The following CEACAM5 variants were observed in gnomAD, a reference collection of about 807,000 sequenced individuals.
The protein encoded by CEACAM5 is cell adhesion molecule CEACAM5.
CEACAM5 carries 52 observed loss-of-function variants against 63.0 expected under a neutral mutation model. The ratio of observed to expected loss-of-function variants is 0.83; its 90% CI spans 0.66 to 1.04. The LOEUF (loss-of-function observed/expected upper bound fraction) is 1.04. CEACAM5 is among the 50% of genes least tolerant of loss of function. CEACAM5 has a pLI of 0.00. For synonymous variants in CEACAM5, 357 were observed against 351.3 expected, an observed-to-expected ratio of 1.02 and a Z score of -0.18; for missense variants, 790 against 864.8, an observed-to-expected ratio of 0.91 and a Z score of 1.08.
chr19:41,711,343 CTT>C (rs1480695088), intron 2 of CEACAM5, among the ~76,000 whole-genome samples: 2 of 152,272 alleles, frequency 1.3e-5, no homozygotes, highest in East Asian at 1.9e-4. Context: ...AAGGACTTCG[CTT>C]TCTCTCCCCA....
intron 8 of CEACAM5, among the ~76,000 whole-genome samples, chr19:41,723,398 T>A (rs973660988): frequency 9.2e-5 from 14 of 152,188 alleles, no homozygotes; most frequent in Admixed American, 9.2e-4. Context: ...TTGACTTGCA[T>A]ATCTCTAAGT....
chr19:41,711,892 G>T (rs1600455154), intron 2 of CEACAM5, among the ~76,000 whole-genome samples: 1 of 151,700 alleles, frequency 6.6e-6, no homozygotes, highest in African/African-American at 2.4e-5. Flanking sequence ...CCAGGCAATA[G>T]GGAAGGCACA....
intron 6 of CEACAM5, 96 bp from the exon 7 acceptor site, chr19:41,719,834 G>A: frequency 6.4e-7 from 1 of 1,573,676 alleles, no homozygotes; most frequent in Non-Finnish European, 8.6e-7. Context: ...GGACTCGGGT[G>A]GGCTGAAGGG....
chr19:41,725,617 C>T (rs1228397344), intron 8 of CEACAM5, among the ~76,000 whole-genome samples: 1 of 152,140 alleles, frequency 6.6e-6, no homozygotes, highest in Admixed American at 6.5e-5. Flanking sequence ...AAGTAATCCT[C>T]TTGCTTGAGT....
At chr19:41,720,659 G>T (rs10417322) in intron 7 of CEACAM5, among the ~76,000 whole-genome samples, 1 of 151,724 alleles carries the variant, frequency 6.6e-6, no homozygotes, top group Non-Finnish European at 1.5e-5. Flanking sequence ...CACACGTGCC[G>T]CCATGCCCAG....
rs74626868 is a variant in CEACAM5, at chr19:41,709,922, C to T, written c.307C>T (p.Pro103Ser). The change falls in exon 2 of 10, where the codon CCC becomes TCC. Residue 103 changes from proline (P) to serine (S), a missense_variant. Transcript: ENST00000221992. ...PAYSGREIIY[P>S]NASLLIQNII... ...ATACAGTGGTCGAGAGATAATATAC[C>T]CCAATGCATCCCTGCTGATCCAGAA... 1,445 of 1,614,004 alleles carry T rather than the reference C, an allele frequency of 9.0e-4. 7 individuals are homozygous for T. In the African/African-American group the frequency reaches 0.016, roughly 18 times the overall value.
chr19:41,710,048 T>G lies in CEACAM5; in HGVS notation c.424+9T>G, dbSNP rs782547323. 4 of 1,589,624 alleles carry G rather than the reference T, an allele frequency of 2.5e-6. No individual in the cohort carries two copies. The highest frequency in any genetic ancestry group is 3.4e-6 in the Non-Finnish European group (4 of 1,167,766). Reference sequence around the variant, plus strand: ...CCAGTTCCGGGTATACCGTGAGTGATTCCCCCATGACCTCTGGGTGTTGGG... The same window carrying G: ...CCAGTTCCGGGTATACCGTGAGTGAGTCCCCCATGACCTCTGGGTGTTGGG... On this transcript the variant is annotated intron_variant, in intron 2 of 9. Transcript: ENST00000221992.
rs370822239 is a variant in CEACAM5, at chr19:41,709,926, A to G, written c.311A>G (p.Asn104Ser). ...AGTGGTCGAGAGATAATATACCCCA[A>G]TGCATCCCTGCTGATCCAGAACATC... is the stretch of plus-strand genomic sequence containing the variant. ...AYSGREIIYP[N>S]ASLLIQNIIQ... The change falls in exon 2 of 10, where the codon AAT becomes AGT. Residue 104 changes from asparagine to serine, a missense_variant. By Grantham distance (46) the Asn-to-Ser change is conservative (BLOSUM62 1). Transcript: ENST00000221992. 32 of 1,613,828 alleles carry G rather than the reference A, an allele frequency of 2.0e-5. No individual in the cohort carries two copies. The highest frequency in any genetic ancestry group is 6.7e-5 in the African/African-American group (5 of 74,822).
At chr19:41,727,071 C>T in intron 8 of CEACAM5, among the ~76,000 whole-genome samples, 163 bp from the exon 9 acceptor site, 1 of 152,320 alleles carries the variant, frequency 6.6e-6, no homozygotes, top group East Asian at 1.9e-4. Context: ...CAACTAGCAA[C>T]ACAGTGAGAG....
In CEACAM5 at chr19:41,718,082, T is replaced by C. The variant is rs373602224; in HGVS notation, c.1238-46T>C. On this transcript the variant is annotated intron_variant, in intron 5 of 9. Transcript: ENST00000221992. The stretch of plus-strand genomic sequence containing the variant: ...CCTTTCACAGACCAGGAGCTTCCCC[T>C]TTGCTCTGATGACATTCACCTGTGG... 6 of 1,605,916 alleles carry C rather than the reference T, an allele frequency of 3.7e-6. No individual in the cohort carries two copies. In the African/African-American group the frequency reaches 5.3e-5, roughly 14 times the overall value.
At chr19:41,710,770 C>T (rs1555813927) in intron 2 of CEACAM5, among the ~76,000 whole-genome samples, 1 of 152,138 alleles carries the variant, frequency 6.6e-6, no homozygotes, top group East Asian at 1.9e-4. Context: ...TCCTTGTCCA[C>T]CAGGGATCAG....
chr19:41,712,860 A>G (rs2072457566), intron 2 of CEACAM5, among the ~76,000 whole-genome samples: 1 of 152,250 alleles, frequency 6.6e-6, no homozygotes, highest in African/African-American at 2.4e-5. Flanking sequence ...TTTTTTAACT[A>G]TAGTCAGAAA....
At chr19:41,708,831 G>C (rs782037600) in intron 1 of CEACAM5, 36 bp downstream of exon 1, 1 of 1,003,046 alleles carries the variant, frequency 1.0e-6, no homozygotes, top group Non-Finnish European at 1.4e-6. Flanking sequence ...GGTGGGAGGA[G>C]GGAGCTGGGG....
intron 7 of CEACAM5, among the ~76,000 whole-genome samples, chr19:41,720,457 G>A (rs558134396): frequency 1.3e-3 from 190 of 151,188 alleles, no homozygotes; most frequent in African/African-American, 4.4e-3. Flanking sequence ...ACAGATGAAC[G>A]TCTCAGACCC....
At chr19:41,723,735 C>T (rs1555816647) in intron 8 of CEACAM5, among the ~76,000 whole-genome samples, 1 of 151,840 alleles carries the variant, frequency 6.6e-6, no homozygotes, top group African/African-American at 2.4e-5. Context: ...ATTACAAGGT[C>T]AGGAGATCAA....
In CEACAM5 at chr19:41,726,087, TA is replaced by T. The variant is rs546520657; in HGVS notation, c.2027-1144del. Among the ~76,000 whole-genome samples the T allele has an allele frequency of 1.5e-4, 23 of 152,366 alleles. No homozygotes were observed. The East Asian group carries it at 4.2e-3, about 28-fold the overall frequency. On this transcript the variant is annotated intron_variant, in intron 8 of 9. Transcript: ENST00000221992. ...GAATGACTGTTTAACAGTATTGTTT[TA>T]AAGATTTAATGTAATATTCGATTAA...
intron 2 of CEACAM5, among the ~76,000 whole-genome samples, 185 bp from the exon 3 acceptor site, chr19:41,714,786 C>G (rs1278681900): frequency 6.6e-6 from 1 of 152,232 alleles, no homozygotes; most frequent in Non-Finnish European, 1.5e-5. Context: ...CCACACCGAG[C>G]AGGCAGCCTC....
Position 41,715,552 on chromosome 19 carries a change from G to T in CEACAM5, c.704-98G>T, listed in dbSNP as rs1230665598. The stretch of plus-strand genomic sequence containing the variant: ...GGGGTTTGGCTGAGACTTTAGGATT[G>T]TGATTCAGCTTAGAGGGACACTGTG... On this transcript the variant is annotated intron_variant, in intron 3 of 9. Transcript: ENST00000221992. 6.8e-6 allele frequency: 10 copies of T among 1,475,964 alleles called. No homozygotes were observed. In the African/African-American group the frequency reaches 1.4e-4, roughly 21 times the overall value. The allele number at this position is 1,475,964 out of a possible 1,614,324, so 91.4% of individuals were successfully genotyped here. A position where few individuals can be genotyped will look rare whatever the true frequency, so the allele number is the denominator to read the frequency against.
chr19:41,712,768 C>T (rs56173718), intron 2 of CEACAM5, among the ~76,000 whole-genome samples: 2,836 of 152,278 alleles, frequency 0.019, 83 homozygotes, highest in African/African-American at 0.064. Context: ...CTACTTCCAG[C>T]AATTGATCTT....
Sources: allele counts gnomAD v4.1 joint callset (sites outside exome capture counted in the v4.1 genomes callset), GRCh38; gene constraint gnomAD v4.1.1; transcripts MANE v1.5; gene names NCBI Gene and HGNC (gene_info 2026-07-23, HGNC 2026-07-21).